MARCHF1: variants seen among roughly 807,000 people sequenced by gnomAD.
The protein encoded by MARCHF1 is membrane associated ring-CH-type finger 1.
MARCHF1 carries 40 observed loss-of-function variants against 54.2 expected under a neutral mutation model. The ratio of observed to expected loss-of-function variants is 0.74; its 90% CI spans 0.57 to 0.96. The LOEUF (loss-of-function observed/expected upper bound fraction) is 0.96. Among genes scored for constraint, MARCHF1 ranks in the 40% least tolerant of loss-of-function variants. MARCHF1 has a pLI of 0.00. For missense variants in MARCHF1, 586 were observed against 656.5 expected (o/e 0.89, Z 1.17); for synonymous variants, 236 against 236.3 (o/e 1.00, Z 0.01).
chr4:164,243,956 AG>A (rs1732857765), intron 1 of MARCHF1, among the ~76,000 whole-genome samples: 1 of 152,150 alleles, frequency 6.6e-6, no homozygotes, highest in Non-Finnish European at 1.5e-5. Flanking sequence ...AGATTCATAA[AG>A]CAAGTCTGAG....
chr4:163,582,639 G>A (rs1393739729), intron 8 of MARCHF1, among the ~76,000 whole-genome samples: 2 of 152,164 alleles, frequency 1.3e-5, no homozygotes, highest in African/African-American at 4.8e-5. Flanking sequence ...ATTGTTTCAT[G>A]TGGGTTGTTC....
intron 1 of MARCHF1, among the ~76,000 whole-genome samples, chr4:164,148,783 T>C (rs184633817): frequency 2.9e-4 from 41 of 140,124 alleles, no homozygotes; most frequent in Admixed American, 1.2e-3. Flanking sequence ...TCTAGAAGGT[T>C]CTAGCAAATA....
chr4:163,556,820 T>C (rs1382008618), intron 8 of MARCHF1, among the ~76,000 whole-genome samples: 4 of 152,082 alleles, frequency 2.6e-5, no homozygotes, highest in Non-Finnish European at 5.9e-5. Flanking sequence ...TATATTACAT[T>C]TGAATTTGTT....
intron 3 of MARCHF1, among the ~76,000 whole-genome samples, chr4:163,858,300 C>T (rs571636092): frequency 6.6e-6 from 1 of 152,278 alleles, no homozygotes; most frequent in Non-Finnish European, 1.5e-5. Context: ...TAATCTTAAA[C>T]GCAGAGATTT....
At chr4:164,276,319 G>A (rs1257188118) in intron 1 of MARCHF1, among the ~76,000 whole-genome samples, 9 of 151,550 alleles carry the variant, frequency 5.9e-5, no homozygotes, top group South Asian at 2.1e-4. Context: ...TATATTTTTC[G>A]TCTTATTCTC....
chr4:164,372,873 CATTTATTT>C (rs1056930168), intron 1 of MARCHF1, among the ~76,000 whole-genome samples: 1 of 151,948 alleles, frequency 6.6e-6, no homozygotes, highest in African/African-American at 2.4e-5. Flanking sequence ...TTAATCAATT[CATTTATTT>C]ATTTATTCAG....
chr4:164,133,949 T>C (rs1218900413), intron 1 of MARCHF1, among the ~76,000 whole-genome samples: 1 of 152,230 alleles, frequency 6.6e-6, no homozygotes, highest in East Asian at 1.9e-4. Context: ...TCTTCGCATA[T>C]ATGTCACTTT....
chr4:164,136,542 G>A (rs1244152373), intron 1 of MARCHF1, among the ~76,000 whole-genome samples: 2 of 152,176 alleles, frequency 1.3e-5, no homozygotes, highest in Non-Finnish European at 2.9e-5. Context: ...TGGGAGCAGG[G>A]AAGAGAGTGG....
chr4:163,596,537 CA>C (rs142539749), intron 7 of MARCHF1, among the ~76,000 whole-genome samples: 1,908 of 73,698 alleles, frequency 0.026, 10 homozygotes, highest in East Asian at 0.092. Context: ...GAGGCTGTCT[CA>C]AAAAAAAAAA....
intron 3 of MARCHF1, among the ~76,000 whole-genome samples, chr4:163,912,876 A>G (rs1248142474): frequency 6.6e-6 from 1 of 152,252 alleles, no homozygotes; most frequent in African/African-American, 2.4e-5. Context: ...AAATAAAGCT[A>G]CTTTAAAAAA....
At chr4:163,555,587 T>C (rs1739257970) in intron 8 of MARCHF1, among the ~76,000 whole-genome samples, 1 of 152,210 alleles carries the variant, frequency 6.6e-6, no homozygotes, top group Admixed American at 6.5e-5. Flanking sequence ...TTATCACACA[T>C]TCTGAAAGAG....
intron 1 of MARCHF1, among the ~76,000 whole-genome samples, chr4:164,354,752 A>T (rs1196551325): frequency 7.3e-6 from 1 of 136,422 alleles, no homozygotes; most frequent in Non-Finnish European, 1.6e-5. Context: ...TAGTGTTGGA[A>T]GTTCTGGCCA....
intron 4 of MARCHF1, among the ~76,000 whole-genome samples, chr4:163,851,533 A>G (rs973499533): frequency 6.6e-6 from 1 of 152,200 alleles, no homozygotes; most frequent in Non-Finnish European, 1.5e-5. Context: ...CTAACCAGAG[A>G]TCACGGATTT....
At chr4:164,101,069 G>C (rs1208096718) in intron 2 of MARCHF1, among the ~76,000 whole-genome samples, 1 of 152,226 alleles carries the variant, frequency 6.6e-6, no homozygotes, top group African/African-American at 2.4e-5. Context: ...TTAAAAAACT[G>C]TGCACCACAA....
intron 1 of MARCHF1, among the ~76,000 whole-genome samples, chr4:164,160,328 A>G (rs1730197629): frequency 2.0e-5 from 3 of 152,140 alleles, no homozygotes; most frequent in Admixed American, 2.0e-4. Flanking sequence ...ACAAACCTGT[A>G]TAGCATGTGA....
chr4:163,943,571 T>C (rs1490720734), intron 3 of MARCHF1, among the ~76,000 whole-genome samples: 1 of 151,950 alleles, frequency 6.6e-6, no homozygotes, highest in Non-Finnish European at 1.5e-5. Context: ...ACCAAGCTGT[T>C]TTGGTTACTG....
intron 5 of MARCHF1, among the ~76,000 whole-genome samples, chr4:163,646,252 A>AC (rs397797423): frequency 6.7e-6 from 1 of 149,400 alleles, no homozygotes; most frequent in Non-Finnish European, 1.5e-5. Flanking sequence ...ATTAAAAAAA[A>AC]CCCAGAAACC....
intron 3 of MARCHF1, among the ~76,000 whole-genome samples, chr4:163,950,104 C>G (rs986370782): frequency 6.6e-6 from 1 of 152,158 alleles, no homozygotes; most frequent in Non-Finnish European, 1.5e-5. Flanking sequence ...CAGGCCAGGC[C>G]CAGCCTGAAG....
At chr4:164,213,722 AATTAT>A (rs1283761485) in intron 1 of MARCHF1, among the ~76,000 whole-genome samples, 3 of 152,024 alleles carry the variant, frequency 2.0e-5, no homozygotes, top group Non-Finnish European at 4.4e-5. Flanking sequence ...TGACATAATA[AATTAT>A]AATATCTTCA....
Sources: allele counts gnomAD v4.1 joint callset (sites outside exome capture counted in the v4.1 genomes callset), GRCh38; gene constraint gnomAD v4.1.1; transcripts MANE v1.5; gene names NCBI Gene and HGNC (gene_info 2026-07-23, HGNC 2026-07-21).